The following STIM1 variants were observed in gnomAD, a reference collection of about 807,000 sequenced individuals.
The protein encoded by STIM1 is stromal interaction molecule 1.
Under a neutral mutation model 74.7 loss-of-function variants are expected in STIM1, and 25 were observed. The ratio of observed to expected loss-of-function variants is 0.33; its 90% CI spans 0.24 to 0.47. STIM1 has a LOEUF of 0.47. STIM1 is among the 20% of genes least tolerant of loss of function. The pLI, the probability that STIM1 is intolerant of heterozygous loss-of-function variation, is 1.00. For synonymous variants in STIM1, 328 were observed against 348.8 expected (o/e 0.94, Z 0.66); for missense variants, 728 against 920.8 (o/e 0.79, Z 2.71).
At chr11:3,889,523 G>A (rs4910586) in intron 1 of STIM1, among the ~76,000 whole-genome samples, 142,486 of 152,138 alleles carry the variant, frequency 0.94, 66,725 homozygotes, top group East Asian at 0.95. Context: ...ACACGCCACC[G>A]CATCTGGCTA....
chr11:3,946,420 T>C (rs746963604), intron 1 of STIM1, among the ~76,000 whole-genome samples: 2 of 152,156 alleles, frequency 1.3e-5, no homozygotes, highest in African/African-American at 2.4e-5. Flanking sequence ...ACCCCTATAG[T>C]GAGCTAAACC....
rs185127075 is a variant in STIM1, at chr11:3,881,610, A to T, written c.139+25201A>T. On this transcript the variant is annotated intron_variant, in intron 1 of 12. Transcript: ENST00000526596. ...ATGGTCTCCATCTCCTGACCTCATG[A>T]TCTGCCCATCTCAGCCTCCCAAAGT... Among the ~76,000 whole-genome samples the T allele has an allele frequency of 2.0e-3, 298 of 152,090 alleles. 2 individuals are homozygous for T. The highest frequency in any genetic ancestry group is 9.3e-3 in the South Asian group (45 of 4,822).
intron 2 of STIM1, among the ~76,000 whole-genome samples, chr11:4,015,834 C>T (rs545854611): frequency 7.4e-4 from 112 of 152,186 alleles, no homozygotes; most frequent in African/African-American, 2.5e-3. Flanking sequence ...TTGATCAAAT[C>T]GGCTATTGAA....
At chr11:4,030,931 G>C (rs550621699) in intron 3 of STIM1, among the ~76,000 whole-genome samples, 1 of 152,118 alleles carries the variant, frequency 6.6e-6, no homozygotes, top group Non-Finnish European at 1.5e-5. Context: ...ATACAAAAAG[G>C]TGTAAATCTC....
chr11:4,023,774 G>T (rs976137140), intron 2 of STIM1, 99 bp from the exon 3 acceptor site: 2 of 806,174 alleles, frequency 2.5e-6, no homozygotes, highest in Non-Finnish European at 4.3e-6. Context: ...TGGGTAGATG[G>T]AATGTGTTAT....
chr11:4,084,765 G>T lies in STIM1; in HGVS notation c.1567G>T (p.Ala523Ser), dbSNP rs566784149. ...SDDQSLWKYP[A>S]PSLQSSVRQR... ...TGATCAGTCCCTCTGGAAATACCCC[G>T]GTTTGAGGAGCCCCTTTGGGGCATT... The change falls in exon 11 of 13, where the codon GCC becomes TCC. Residue 523 changes from alanine (A) to serine (S), a missense_variant and splice_region_variant. Coordinates refer to ENST00000526596, the MANE Select transcript of STIM1 (RefSeq NM_001382567.1). 8.5e-6 allele frequency: 11 copies of T among 1,289,328 alleles called. No homozygotes were observed. The Admixed American group carries it at 1.8e-4, about 22-fold the overall frequency. The allele number at this position is 1,289,328 out of a possible 1,614,324, so 79.9% of individuals were successfully genotyped here.
chr11:4,013,078 T>C (rs1247049532), intron 2 of STIM1, among the ~76,000 whole-genome samples: 3 of 152,248 alleles, frequency 2.0e-5, no homozygotes, highest in Admixed American at 2.0e-4. Flanking sequence ...TGAAGCCAAC[T>C]TGATCATGGT....
At chr11:4,023,359 A>C (rs1257616356) in intron 2 of STIM1, among the ~76,000 whole-genome samples, 1 of 151,078 alleles carries the variant, frequency 6.6e-6, no homozygotes, top group East Asian at 1.9e-4. Context: ...AAACAAACAA[A>C]CAACCATCAC....
chr11:4,003,777 AG>A (rs1197067334), intron 2 of STIM1, among the ~76,000 whole-genome samples: 3 of 152,226 alleles, frequency 2.0e-5, no homozygotes, highest in African/African-American at 7.2e-5. Flanking sequence ...GTATTCGATT[AG>A]GAAAAGAGGA....
chr11:4,063,522 A>G (rs931814052), intron 5 of STIM1, among the ~76,000 whole-genome samples: 1 of 152,240 alleles, frequency 6.6e-6, no homozygotes, highest in Non-Finnish European at 1.5e-5. Context: ...ACATAATGCT[A>G]TTATACACTT....
intron 1 of STIM1, chr11:3,892,489 T>C: frequency 1.3e-6 from 2 of 1,546,272 alleles, no homozygotes; most frequent in South Asian, 1.1e-5. Context: ...TCATGCCTTC[T>C]TTCGCCTTGC....
chr11:3,942,200 C>T (rs986465806), intron 1 of STIM1, among the ~76,000 whole-genome samples: 5 of 152,072 alleles, frequency 3.3e-5, no homozygotes, highest in Admixed American at 2.6e-4. Flanking sequence ...GGTGTGTGAT[C>T]GAGTTAGTAG....
chr11:4,055,699 C>T (rs1565162206), intron 4 of STIM1, 62 bp downstream of exon 4: 4 of 1,300,464 alleles, frequency 3.1e-6, no homozygotes, highest in Non-Finnish European at 3.2e-6. Context: ...AGTGGGCCTG[C>T]CTTCAGATTG....
chr11:4,086,732 TCAC>T lies in STIM1; in HGVS notation c.1634+194_1634+196del, dbSNP rs1224032065. On this transcript the variant is annotated intron_variant, in intron 12 of 12. Transcript: ENST00000526596. ...ACTACCACCACCACCACCACCACCT[TCAC>T]CACCGTCCATGTCCACCCTGTTTAT... 32 of 1,537,610 alleles carry T rather than the reference TCAC, an allele frequency of 2.1e-5. No individual in the cohort carries two copies. In the Middle Eastern group the frequency reaches 6.7e-4, roughly 32 times the overall value.
intron 1 of STIM1, among the ~76,000 whole-genome samples, chr11:3,922,414 TG>T: frequency 6.6e-6 from 1 of 152,312 alleles, no homozygotes; most frequent in African/African-American, 2.4e-5. Flanking sequence ...AGTTTTCCAT[TG>T]GGCTATCTTT....
At chr11:3,918,184 A>G (rs997238721) in intron 1 of STIM1, among the ~76,000 whole-genome samples, 1 of 152,122 alleles carries the variant, frequency 6.6e-6, no homozygotes, top group Non-Finnish European at 1.5e-5. Flanking sequence ...GTGGCAAAGA[A>G]AGATATCAGA....
intron 2 of STIM1, among the ~76,000 whole-genome samples, chr11:4,004,736 G>T (rs1409454510): frequency 2.0e-5 from 3 of 151,778 alleles, no homozygotes; most frequent in African/African-American, 7.3e-5. Flanking sequence ...ATTGACAAAT[G>T]GGATCTAATT....
At chr11:3,973,022 C>T (rs539717956) in intron 2 of STIM1, 12 of 484,466 alleles carry the variant, frequency 2.5e-5, no homozygotes, top group African/African-American at 9.8e-5. Context: ...CTGCCTCCAT[C>T]GTTGTTATAG....
chr11:4,065,216 GGAAAAGAAAAGACTATGCCTCATC>G (rs1468967350), intron 5 of STIM1, among the ~76,000 whole-genome samples: 4 of 152,164 alleles, frequency 2.6e-5, no homozygotes, highest in Non-Finnish European at 5.9e-5. Flanking sequence ...GTTGGAGATA[GGAAAAGAAAAGACTATGCCTCATC>G]TTCCTTCTTC....
Sources: allele counts gnomAD v4.1 joint callset (sites outside exome capture counted in the v4.1 genomes callset), GRCh38; gene constraint gnomAD v4.1.1; transcripts MANE v1.5; gene names NCBI Gene and HGNC (gene_info 2026-07-23, HGNC 2026-07-21).